The following TASOR2 variants were observed in gnomAD, a reference collection of about 807,000 sequenced individuals.
The protein encoded by TASOR2 is transcription activation suppressor family member 2, also known as protein TASOR 2.
TASOR2 carries 84 observed loss-of-function variants against 199.5 expected under a neutral mutation model. The observed-to-expected ratio is 0.42, with a 90% confidence interval of 0.35 to 0.50. The LOEUF (loss-of-function observed/expected upper bound fraction) is 0.50, where lower values mean the gene tolerates loss of function less well. Ranked by LOEUF, TASOR2 falls within the 20% of genes least tolerant of loss-of-function variation. The pLI, the probability that TASOR2 is intolerant of heterozygous loss-of-function variation, is 0.02. For missense variants in TASOR2, 2,796 were observed against 2,835.9 expected (o/e 0.99, Z 0.32); for synonymous variants, 1,103 against 1,046.6 (o/e 1.05, Z -1.04).
chr10:5,726,701 C>T, intron 8 of TASOR2, 184 bp from the exon 10 acceptor site: 1 of 597,586 alleles, frequency 1.7e-6, no homozygotes, highest in Non-Finnish European at 3.0e-6. Context: ...CCCAACAGGG[C>T]CAAGATTATT....
intron 17 of TASOR2, among the ~76,000 whole-genome samples, chr10:5,757,894 C>T (rs1020327758): frequency 6.6e-6 from 1 of 152,088 alleles, no homozygotes; most frequent in African/African-American, 2.4e-5. Flanking sequence ...ACCACACTTG[C>T]TTCTGAGTTC....
At chr10:5,694,069 G>A (rs912125380) in intron 1 of TASOR2, among the ~76,000 whole-genome samples, 2 of 152,012 alleles carry the variant, frequency 1.3e-5, no homozygotes, top group African/African-American at 4.8e-5. Flanking sequence ...AACAGAAAGA[G>A]CTCAACCATG....
intron 17 of TASOR2, among the ~76,000 whole-genome samples, chr10:5,757,960 ATATT>A (rs1197906695): frequency 6.6e-6 from 1 of 152,116 alleles, no homozygotes; most frequent in Non-Finnish European, 1.5e-5. Flanking sequence ...GGATTTTATT[ATATT>A]TAGTCTCTTC....
Position 5,685,397 on chromosome 10 carries a change from G to A in TASOR2, c.-288+222G>A, listed in dbSNP as rs1357120167. Among the ~76,000 whole-genome samples, 2 of 151,842 alleles carry A rather than the reference G, an allele frequency of 1.3e-5. No individual in the cohort carries two copies. Among genetic ancestry groups the A allele is most frequent in the East Asian group, 3.9e-4 (2 of 5,178 alleles). The stretch of plus-strand genomic sequence containing the variant: ...ACCTGTGGCCGCGCTCGGTGTCGCC[G>A]GCAGGGAGATCCTAACCGTGTCATC... On this transcript the variant is annotated intron_variant, in intron 1 of 20. Transcript: ENST00000328090. The surrounding 1 kb of genome is among the most constrained non-coding windows in gnomAD (Gnocchi z 5.4).
At chr10:5,711,088 G>A (rs1208777538) in intron 1 of TASOR2, among the ~76,000 whole-genome samples, 1 of 152,084 alleles carries the variant, frequency 6.6e-6, no homozygotes, top group Admixed American at 6.6e-5. Context: ...GTAAAACTTA[G>A]AATGAATATA....
rs1836595710 is a variant in TASOR2 at position 5,742,583 on chromosome 10, T to A, written c.2757+57T>A. 1 of 1,494,984 alleles carries A rather than the reference T, an allele frequency of 6.7e-7. No individual in the cohort carries two copies. Among genetic ancestry groups the A allele is most frequent in the South Asian group, 1.2e-5 (1 of 81,218 alleles). 92.6% of individuals were successfully genotyped at this position (1,494,984 alleles called of 1,614,324 possible). A position where few individuals can be genotyped will look rare whatever the true frequency, so the allele number is the denominator to read the frequency against. ...CATTATTTTTGAAGAAAAAAATGTT[T>A]ATATGTAAAATCACATTCAAAACAA... On this transcript the variant is annotated intron_variant, in intron 14 of 20. Coordinates refer to ENST00000328090, the Ensembl canonical transcript of TASOR2. This position sits in a 1 kb window ranked among gnomAD's most constrained non-coding sequence, Gnocchi z 4.2.
chr10:5,744,408 T>G lies in TASOR2; in HGVS notation c.2758-1771T>G, dbSNP rs146233679. ...AGCTTCACCTCCCTGGTTCAACTGATTCTCCTGCCTCAGCCTCCCTAGTAG... is the reference window on the plus strand; with the variant it reads ...AGCTTCACCTCCCTGGTTCAACTGAGTCTCCTGCCTCAGCCTCCCTAGTAG... On this transcript the variant is annotated intron_variant, in intron 14 of 20. Coordinates refer to ENST00000328090, the Ensembl canonical transcript of TASOR2. 1.2e-3 allele frequency among the ~76,000 whole-genome samples: 186 copies of G among 152,330 alleles called. 3 individuals are homozygous for G. In the East Asian group the frequency reaches 0.026, roughly 22 times the overall value.
In TASOR2 at chr10:5,750,070, T is replaced by C. The variant is rs1837810743; in HGVS notation, c.6606+43T>C. The C allele has an allele frequency of 2.6e-6, 4 of 1,518,694 alleles. No individual in the cohort carries two copies. The highest frequency in any genetic ancestry group is 3.5e-6 in the Non-Finnish European group (4 of 1,137,024). The allele number at this position is 1,518,694 out of a possible 1,614,324, so 94.1% of individuals were successfully genotyped here. A position where few individuals can be genotyped will look rare whatever the true frequency, so the allele number is the denominator to read the frequency against. ...TCTTACGTATTATTTTAATTGCTGA[T>C]TTTAGTTTTAGAAATAATAAATTTA... On this transcript the variant is annotated intron_variant, in intron 15 of 20. Transcript: ENST00000328090. The surrounding 1 kb of genome is among the most constrained non-coding windows in gnomAD (Gnocchi z 5.4).
Position 5,698,137 on chromosome 10 carries a change from T to C in TASOR2, c.-288+12962T>C, listed in dbSNP as rs1297616334. Among the ~76,000 whole-genome samples the C allele has an allele frequency of 1.3e-5, 2 of 152,240 alleles. No individual in the cohort carries two copies. Among genetic ancestry groups the C allele is most frequent in the Non-Finnish European group, 2.9e-5 (2 of 68,038 alleles). ...CCTACTCCTTGACTTTGTGTTTGGC[T>C]ATGTGACTTGCTAAGGTAAAAGTGA... On this transcript the variant is annotated intron_variant, in intron 1 of 20. Coordinates refer to ENST00000328090, the Ensembl canonical transcript of TASOR2. The surrounding 1 kb of genome is among the most constrained non-coding windows in gnomAD (Gnocchi z 4.4).
exon 19 of TASOR2, chr10:5,761,303 G>A (rs773327068): frequency 1.2e-5 from 20 of 1,612,898 alleles, no homozygotes; most frequent in Non-Finnish European, 1.4e-5. Flanking sequence ...GGATTCAACT[G>A]CACATAAGAA....
chr10:5,759,109 CA>C lies in TASOR2; in HGVS notation c.6992+118del. 8 of 687,008 alleles carry C rather than the reference CA, an allele frequency of 1.2e-5. No homozygotes were observed. The South Asian group carries it at 1.5e-4, about 13-fold the overall frequency. 42.6% of individuals were successfully genotyped at this position (687,008 alleles called of 1,614,324 possible). Reference sequence around the variant, plus strand: ...TGGAATGGCCTTCATCAGTAAAGAGCATGAGGGCTGCTGGCTCTGTATTCAA... The same window carrying C: ...TGGAATGGCCTTCATCAGTAAAGAGCTGAGGGCTGCTGGCTCTGTATTCAA... On this transcript the variant is annotated intron_variant, in intron 18 of 20. Transcript: ENST00000328090.
exon 15 of TASOR2, chr10:5,749,012 A>T (rs1197967116): frequency 6.2e-7 from 1 of 1,614,156 alleles, no homozygotes; most frequent in Non-Finnish European, 8.5e-7. Context: ...GTTCCCACAG[A>T]TGGCTATGAG....
chr10:5,753,852 T>G (rs747402686), intron 15 of TASOR2, among the ~76,000 whole-genome samples: 4 of 152,240 alleles, frequency 2.6e-5, no homozygotes, highest in Non-Finnish European at 5.9e-5. Flanking sequence ...TTAGTTTTTT[T>G]CTTTTACCTT....
chr10:5,747,819 C>G, exon 15 of TASOR2: 1 of 1,613,842 alleles, frequency 6.2e-7, no homozygotes, highest in Non-Finnish European at 8.5e-7. Flanking sequence ...GGCAAGATAA[C>G]TTTACCCAGG....
intron 18 of TASOR2, 41 bp downstream of exon 19, chr10:5,759,033 G>A (rs1369217432): frequency 3.2e-5 from 46 of 1,447,232 alleles, no homozygotes; most frequent in Non-Finnish European, 4.3e-5. Context: ...TGCCCTGCTG[G>A]GGTAGCAGAG....
rs1237376239 is a variant in TASOR2, at chr10:5,710,560, GA to G, written c.-287-2260del. On this transcript the variant is annotated intron_variant, in intron 1 of 20. Coordinates refer to ENST00000328090, the Ensembl canonical transcript of TASOR2. This position sits in a 1 kb window ranked among gnomAD's most constrained non-coding sequence, Gnocchi z 4.6. The stretch of plus-strand genomic sequence containing the variant: ...AAGTGTTCTCTGACCATGTATTTGG[GA>G]AACCCTGTATTAGTGTTTTTAATTG... 1.3e-5 allele frequency among the ~76,000 whole-genome samples: 2 copies of G among 152,008 alleles called. No individual in the cohort carries two copies. Among genetic ancestry groups the G allele is most frequent in the East Asian group, 3.9e-4 (2 of 5,194 alleles).
In TASOR2 at chr10:5,750,317, C is replaced by T. The variant is rs1287722231; in HGVS notation, c.6606+290C>T. Among the ~76,000 whole-genome samples the T allele has an allele frequency of 2.0e-5, 3 of 152,132 alleles. No individual in the cohort carries two copies. The highest frequency in any genetic ancestry group is 4.8e-5 in the African/African-American group (2 of 41,432). Reference sequence around the variant, plus strand: ...TTCAAGTGTAAATACAAACACATTCCGATGTTAAAATACAGATTTTTTGAA... The same window carrying T: ...TTCAAGTGTAAATACAAACACATTCTGATGTTAAAATACAGATTTTTTGAA... On this transcript the variant is annotated intron_variant, in intron 15 of 20. Coordinates refer to ENST00000328090, the Ensembl canonical transcript of TASOR2. This position sits in a 1 kb window ranked among gnomAD's most constrained non-coding sequence, Gnocchi z 5.4.
At position 5,740,544 on chromosome 10, in the gene TASOR2, G is replaced by C; in HGVS notation, c.2327+47G>C. 1.3e-6 allele frequency: 2 copies of C among 1,572,212 alleles called. No individual in the cohort carries two copies. Among genetic ancestry groups the C allele is most frequent in the Non-Finnish European group, 1.7e-6 (2 of 1,161,264 alleles). On this transcript the variant is annotated intron_variant, in intron 13 of 20. Transcript: ENST00000328090. This position sits in a 1 kb window ranked among gnomAD's most constrained non-coding sequence, Gnocchi z 5.3. Reference sequence around the variant, plus strand: ...TGAAAATGGATGAAACTTTTCTGTTGAGATGAATGTAGTGAGATGGGGAAA... The same window carrying C: ...TGAAAATGGATGAAACTTTTCTGTTCAGATGAATGTAGTGAGATGGGGAAA...
Position 5,742,315 on chromosome 10 carries a change from C to G in TASOR2, c.2546C>G (p.Ala849Gly), listed in dbSNP as rs768839802. Residue 849 changes from alanine (A) to glycine (G), a missense_variant, in exon 14 of 21, where the codon GCA becomes GGA. Ala to Gly is a moderately conservative substitution (Grantham distance 60). This residue lies in a region of TASOR2 where 1,941 missense variants were observed against 1,924.9 expected (regional missense o/e 1.01). Transcript: ENST00000328090. The surrounding 1 kb of genome is among the most constrained non-coding windows in gnomAD (Gnocchi z 4.2). ...TCCCTTGGTTTGGAAAAATGTTCTG[C>G]AGACTCTCTGTTGGAGACTAACGAA... 1 of 1,614,168 alleles carries G rather than the reference C, an allele frequency of 6.2e-7. No individual in the cohort carries two copies. Among genetic ancestry groups the G allele is most frequent in the Non-Finnish European group, 8.5e-7 (1 of 1,180,020 alleles).
Sources: gnomAD v4.1 joint callset for allele counts (sites outside exome capture counted in the v4.1 genomes callset) on GRCh38, gnomAD v4.1.1 for gene constraint, gnomAD v4.1.1 regional missense constraint, Gnocchi (gnomAD v3.1) non-coding constraint, MANE v1.5 for transcripts, NCBI Gene and HGNC (gene_info 2026-07-23, HGNC 2026-07-21) for gene names.